Variants in TTLL11 observed in about 807,000 individuals in gnomAD.
The protein encoded by TTLL11 is tubulin tyrosine ligase like 11.
In TTLL11, 42 loss-of-function variants were observed where a neutral mutation model predicts 51.7. The ratio of observed to expected loss-of-function variants is 0.81; its 90% CI spans 0.64 to 1.05. The LOEUF (loss-of-function observed/expected upper bound fraction) is 1.05, where lower values mean the gene tolerates loss of function less well. Among genes scored for constraint, TTLL11 ranks in the 50% least tolerant of loss-of-function variants. The pLI, the probability that TTLL11 is intolerant of heterozygous loss-of-function variation, is 0.00. For missense variants in TTLL11, 799 were observed against 940.4 expected (o/e 0.85, Z 1.97); for synonymous variants, 381 against 383.5 (o/e 0.99, Z 0.08).
intron 7 of TTLL11, 46 bp from the exon 8 acceptor site, chr9:121,860,489 T>C: frequency 6.9e-7 from 1 of 1,451,556 alleles, no homozygotes. Context: ...CTGAAACCTG[T>C]CCTGTCTATC....
intron 8 of TTLL11, among the ~76,000 whole-genome samples, chr9:121,840,628 T>C (rs1050663941): frequency 2.0e-5 from 3 of 152,200 alleles, no homozygotes; most frequent in Non-Finnish European, 2.9e-5. Flanking sequence ...ACTCCTGACC[T>C]TAAGTGATCT....
intron 6 of TTLL11, among the ~76,000 whole-genome samples, chr9:121,876,981 C>A (rs763233787): frequency 2.0e-5 from 3 of 152,220 alleles, no homozygotes; most frequent in Non-Finnish European, 4.4e-5. Flanking sequence ...TAGAGACAGG[C>A]AGCTTTAGAC....
intron 3 of TTLL11, among the ~76,000 whole-genome samples, chr9:122,001,122 A>C (rs951515246): frequency 2.6e-5 from 4 of 151,856 alleles, no homozygotes; most frequent in Admixed American, 1.3e-4. Flanking sequence ...CTTGACATGG[A>C]GTCTCACTCG....
intron 2 of TTLL11, among the ~76,000 whole-genome samples, chr9:122,037,850 G>T (rs1321015787): frequency 2.0e-5 from 3 of 152,148 alleles, no homozygotes; most frequent in African/African-American, 7.2e-5. Context: ...GTGGCCTATG[G>T]TAGTGAACTT....
chr9:121,832,210 C>T (rs541564821), intron 8 of TTLL11, among the ~76,000 whole-genome samples: 1 of 152,170 alleles, frequency 6.6e-6, no homozygotes, highest in African/African-American at 2.4e-5. Context: ...CACCCTCAAA[C>T]CCTCAGTTCT....
rs181006225 is a variant in TTLL11 at position 121,849,453 on chromosome 9, A to G, written c.1840+10884T>C. ...CTTCTCCTCTGAAAAGACATTGTTA[A>G]GAAAATGAGATAAGCCACAGACTGG... On this transcript the variant is annotated intron_variant, in intron 8 of 8. Transcript: ENST00000321582. Among the ~76,000 whole-genome samples, 98 of 152,334 alleles carry G rather than the reference A, an allele frequency of 6.4e-4. No individual in the cohort carries two copies. The East Asian group carries it at 0.016, about 25-fold the overall frequency.
intron 1 of TTLL11, among the ~76,000 whole-genome samples, chr9:122,089,716 T>C (rs1438700233): frequency 6.6e-6 from 1 of 152,158 alleles, no homozygotes; most frequent in Non-Finnish European, 1.5e-5. Flanking sequence ...CATGCAGTAA[T>C]GAGGAAGGGT....
intron 8 of TTLL11, among the ~76,000 whole-genome samples, chr9:121,852,540 C>T (rs1307837950): frequency 6.6e-6 from 1 of 152,130 alleles, no homozygotes; most frequent in Non-Finnish European, 1.5e-5. Flanking sequence ...AGCTTTCTCC[C>T]CTTTGTCTGT....
chr9:121,822,645 G>A lies in TTLL11; in HGVS notation c.2075C>T (p.Pro692Leu), dbSNP rs949624758. 2.6e-6 allele frequency: 4 copies of A among 1,520,824 alleles called. No homozygotes were observed. The highest frequency in any genetic ancestry group is 3.5e-6 in the Non-Finnish European group (4 of 1,133,262). The allele number at this position is 1,520,824 out of a possible 1,614,324, so 94.2% of individuals were successfully genotyped here. The stretch of plus-strand genomic sequence containing the variant: ...ATTGGCACAGCTGGTGCGGGGTGGG[G>A]GGTTGTCCCCTGCTGGCTGGGCCGA... The part of the protein sequence containing the change: ...SPSAQPAGDN[P>L]PPRTSCANKL... Residue 692 changes from proline (P) to leucine (L), a missense_variant, in exon 9 of 9, where the codon CCC becomes CTC. Physicochemically the swap from Pro to Leu is moderately conservative, Grantham distance 98 (BLOSUM62 -3). Around this residue, in one of 3 missense-constraint regions of TTLL11, gnomAD observed 165 missense variants for 166.1 expected, o/e 0.99. Transcript: ENST00000321582. The surrounding 1 kb of genome is among the most constrained non-coding windows in gnomAD (Gnocchi z 5.8).
chr9:121,903,376 T>C (rs768331610), intron 6 of TTLL11, among the ~76,000 whole-genome samples: 10 of 152,146 alleles, frequency 6.6e-5, no homozygotes, highest in Non-Finnish European at 1.3e-4. Context: ...AGCTAAATCT[T>C]TGGCAGTCCC....
At chr9:122,071,689 CT>C (rs1241299865) in intron 1 of TTLL11, among the ~76,000 whole-genome samples, 1 of 152,160 alleles carries the variant, frequency 6.6e-6, no homozygotes, top group Non-Finnish European at 1.5e-5. Flanking sequence ...GGGACATGTC[CT>C]CTGGTCAGGC....
intron 3 of TTLL11, among the ~76,000 whole-genome samples, chr9:122,001,220 C>T (rs1048137898): frequency 6.6e-5 from 10 of 152,044 alleles, no homozygotes; most frequent in African/African-American, 1.4e-4. Flanking sequence ...CTCAGGCTCC[C>T]GAGTAGCTGG....
Position 121,819,971 on chromosome 9 carries a change from T to C in TTLL11, c.*2616A>G, listed in dbSNP as rs1187813190. On this transcript the variant is annotated 3_prime_UTR_variant, in exon 9 of 9. Coordinates refer to ENST00000321582, the MANE Select transcript of TTLL11 (RefSeq NM_001139442.2). ...GGGCCAATCTGTCAGGACTGGCCTCTCATAAAACCACAGCCTCATTTCCCT... is the reference window on the plus strand; with the variant it reads ...GGGCCAATCTGTCAGGACTGGCCTCCCATAAAACCACAGCCTCATTTCCCT... Among the ~76,000 whole-genome samples, 1 of 152,172 alleles carries C rather than the reference T, an allele frequency of 6.6e-6. No individual in the cohort carries two copies. Among genetic ancestry groups the C allele is most frequent in the Non-Finnish European group, 1.5e-5 (1 of 68,034 alleles).
chr9:121,825,625 C>A (rs374061522), intron 8 of TTLL11, among the ~76,000 whole-genome samples: 1 of 152,324 alleles, frequency 6.6e-6, no homozygotes, highest in Middle Eastern at 3.4e-3. Context: ...GTAATGCACA[C>A]TCCAATCACC....
intron 6 of TTLL11, among the ~76,000 whole-genome samples, chr9:121,949,129 G>A (rs1260080607): frequency 2.0e-5 from 3 of 152,090 alleles, no homozygotes; most frequent in Admixed American, 2.0e-4. Context: ...TTGTGTCTAT[G>A]ATTAAATGAG....
chr9:121,853,418 G>A lies in TTLL11; in HGVS notation c.1840+6919C>T, dbSNP rs1837723185. Among the ~76,000 whole-genome samples, 1 of 151,610 alleles carries A rather than the reference G, an allele frequency of 6.6e-6. No individual in the cohort carries two copies. The highest frequency in any genetic ancestry group is 1.5e-5 in the Non-Finnish European group (1 of 67,886). On this transcript the variant is annotated intron_variant, in intron 8 of 8. Coordinates refer to ENST00000321582, the MANE Select transcript of TTLL11 (RefSeq NM_001139442.2). This position sits in a 1 kb window ranked among gnomAD's most constrained non-coding sequence, Gnocchi z 5.6. ...GAGCACTGGGGGAGGCTCTGTGAGG[G>A]AGGGGACCTGGGGGGTGGTGGTGAG...
intron 2 of TTLL11, among the ~76,000 whole-genome samples, chr9:122,033,362 C>T (rs190733261): frequency 2.6e-5 from 4 of 152,172 alleles, no homozygotes; most frequent in Non-Finnish European, 2.9e-5. Context: ...ATCCACCCCC[C>T]TCGGCCTCCC....
intron 3 of TTLL11, among the ~76,000 whole-genome samples, chr9:122,000,493 A>G (rs960078980): frequency 3.3e-5 from 5 of 150,290 alleles, no homozygotes; most frequent in Non-Finnish European, 7.4e-5. Context: ...AAAAAAAAAA[A>G]AAAAGACCTT....
intron 8 of TTLL11, among the ~76,000 whole-genome samples, chr9:121,839,331 T>G (rs1426238770): frequency 6.6e-6 from 1 of 152,014 alleles, no homozygotes; most frequent in Non-Finnish European, 1.5e-5. Context: ...CATTGAACAT[T>G]AGGTGATCCA....
Sources: allele counts gnomAD v4.1 joint callset (sites outside exome capture counted in the v4.1 genomes callset), GRCh38; gene constraint gnomAD v4.1.1; regional missense constraint gnomAD v4.1.1; non-coding constraint Gnocchi (gnomAD v3.1); transcripts MANE v1.5; gene names NCBI Gene and HGNC (gene_info 2026-07-23, HGNC 2026-07-21).